The following EMP2 variants were observed in gnomAD, a reference collection of about 807,000 sequenced individuals.
EMP2 encodes the protein epithelial membrane protein 2.
A neutral mutation model predicts 13.7 loss-of-function variants in EMP2; 19 were observed. The ratio of observed to expected loss-of-function variants is 1.38; its 90% CI spans 0.97 to 2.03. The LOEUF is 2.03. EMP2 is among the 30% of genes most tolerant of loss of function. The probability of loss-of-function intolerance (pLI) is 0.00; values close to 1 mark genes in which losing one functional copy is unlikely to be tolerated. For synonymous variants in EMP2, 97 were observed against 84.7 expected (o/e 1.15, Z -0.80); for missense variants, 253 against 220.7 (o/e 1.15, Z -0.93).
At position 10,538,048 on chromosome 16, in the gene EMP2, C is replaced by A. The variant is rs769286820; in HGVS notation, c.196G>T (p.Ala66Ser). Reference protein sequence around the residue: ...QEYSTLQAVQATMILSTILCC... With the variant: ...QEYSTLQAVQSTMILSTILCC... ...AGAATGGTGGAGAGGATCATGGTGG[C>A]CTGGACCGCCTGCAGCGTGGAGTAC... The change falls in exon 4 of 5, where the codon GCC becomes TCC. Residue 66 changes from alanine (A) to serine (S), a missense_variant. By Grantham distance (99) the Ala-to-Ser change is moderately conservative. Transcript: ENST00000359543. 3 of 1,613,930 alleles carry A rather than the reference C, an allele frequency of 1.9e-6. No homozygotes were observed. Among genetic ancestry groups the A allele is most frequent in the Non-Finnish European group, 2.5e-6 (3 of 1,179,972 alleles).
At chr16:10,540,124 C>G (rs1216440778) in intron 3 of EMP2, among the ~76,000 whole-genome samples, 2 of 152,144 alleles carry the variant, frequency 1.3e-5, no homozygotes, top group East Asian at 3.9e-4. Flanking sequence ...GCCAGGCAGC[C>G]CCTGAGATGG....
At chr16:10,549,124 G>A (rs569568109) in intron 1 of EMP2, among the ~76,000 whole-genome samples, 2 of 152,228 alleles carry the variant, frequency 1.3e-5, no homozygotes, top group South Asian at 4.1e-4. Flanking sequence ...ACCTTGGACA[G>A]ATATTATGAT....
chr16:10,563,837 A>T (rs1037289393), intron 1 of EMP2, among the ~76,000 whole-genome samples: 4 of 152,234 alleles, frequency 2.6e-5, no homozygotes, highest in Admixed American at 6.5e-5. Context: ...TAATGAAGTG[A>T]AAGTAGTTAG....
At chr16:10,533,942 C>T (rs891136916) in intron 4 of EMP2, among the ~76,000 whole-genome samples, 29 of 151,902 alleles carry the variant, frequency 1.9e-4, no homozygotes, top group Non-Finnish European at 7.4e-5. Context: ...GGTGAAACCC[C>T]GTCCCTACTA....
At chr16:10,533,348 A>T (rs1161665819) in intron 4 of EMP2, among the ~76,000 whole-genome samples, 7 of 152,152 alleles carry the variant, frequency 4.6e-5, no homozygotes, top group African/African-American at 1.7e-4. Flanking sequence ...TTAAGCTCTT[A>T]TTATTAATAG....
intron 2 of EMP2, 141 bp downstream of exon 2, chr16:10,547,399 G>A: frequency 1.1e-6 from 1 of 878,732 alleles, no homozygotes; most frequent in Non-Finnish European, 1.7e-6. Flanking sequence ...GGAATTGTGA[G>A]TCCATTAGAC....
intron 2 of EMP2, chr16:10,546,122 T>A (rs1317010866): frequency 6.6e-6 from 1 of 152,104 alleles, no homozygotes; most frequent in Non-Finnish European, 1.5e-5. Context: ...GGGGTGGGGA[T>A]CACATGAGAT....
At chr16:10,572,178 G>A (rs28556717) in intron 1 of EMP2, among the ~76,000 whole-genome samples, 54,076 of 152,056 alleles carry the variant, frequency 0.36, 9,969 homozygotes, top group Non-Finnish European at 0.4. Context: ...GGTTGCAGCT[G>A]GGCACAGTGG....
intron 1 of EMP2, among the ~76,000 whole-genome samples, chr16:10,548,433 G>C (rs551325528): frequency 6.6e-6 from 1 of 152,190 alleles, no homozygotes; most frequent in Non-Finnish European, 1.5e-5. Flanking sequence ...GCTCACGCCT[G>C]TAATCTCACC....
At chr16:10,543,366 C>A (rs1596371359) in intron 3 of EMP2, among the ~76,000 whole-genome samples, 1 of 152,266 alleles carries the variant, frequency 6.6e-6, no homozygotes, top group East Asian at 1.9e-4. Flanking sequence ...TGGTCTCCCT[C>A]CAGCCTCCGG....
chr16:10,551,241 A>C (rs1414733900), intron 1 of EMP2, among the ~76,000 whole-genome samples: 1 of 152,170 alleles, frequency 6.6e-6, no homozygotes, highest in East Asian at 1.9e-4. Flanking sequence ...GGAATCATAC[A>C]ATAGTGTGGC....
chr16:10,576,302 AC>A (rs1328005417), intron 1 of EMP2, among the ~76,000 whole-genome samples: 1 of 152,142 alleles, frequency 6.6e-6, no homozygotes, highest in Non-Finnish European at 1.5e-5. Flanking sequence ...CAACAAAAAA[AC>A]TTTGGTTCTT....
intron 1 of EMP2, among the ~76,000 whole-genome samples, chr16:10,570,229 T>C (rs2050937705): frequency 6.6e-6 from 1 of 151,434 alleles, no homozygotes; most frequent in African/African-American, 2.4e-5. Context: ...GGTGGCTTTT[T>C]TTTTTTTTTT....
At chr16:10,567,133 C>A (rs561079698) in intron 1 of EMP2, among the ~76,000 whole-genome samples, 2 of 152,190 alleles carry the variant, frequency 1.3e-5, no homozygotes, top group Non-Finnish European at 2.9e-5. Flanking sequence ...TCTTATGTAT[C>A]GCTGTGCACT....
Position 10,537,941 on chromosome 16 carries a change from G to C in EMP2, c.303C>G (p.Ile101Met). 1.2e-6 allele frequency: 2 copies of C among 1,614,132 alleles called. No individual in the cohort carries two copies. Among genetic ancestry groups the C allele is most frequent in the Non-Finnish European group, 1.7e-6 (2 of 1,180,024 alleles). ...TGATGTACTTACATGACATTAGCTG[G>C]ATGATGGAGGTTAGGACAAACCTCT... ...QGERFVLTSI[I>M]QLMSCLCVMI... Residue 101 changes from isoleucine to methionine, a missense_variant, in exon 4 of 5, where the codon ATC becomes ATG. By Grantham distance (10) the Ile-to-Met change is conservative. Coordinates refer to ENST00000359543, the MANE Select transcript of EMP2 (RefSeq NM_001424.6).
intron 1 of EMP2, among the ~76,000 whole-genome samples, chr16:10,563,184 TTTATTATTA>T (rs150005955): frequency 7.9e-5 from 12 of 151,090 alleles, no homozygotes; most frequent in Non-Finnish European, 1.3e-4. Flanking sequence ...GCATTTCCTC[TTTATTATTA>T]TTATTATTAT....
chr16:10,547,467 C>G (rs551955228), intron 2 of EMP2, 73 bp downstream of exon 2: 1 of 1,504,082 alleles, frequency 6.6e-7, no homozygotes, highest in South Asian at 1.2e-5. Context: ...AGCATGAGAA[C>G]AGACCAATAC....
intron 1 of EMP2, among the ~76,000 whole-genome samples, chr16:10,552,635 C>A (rs2050797005): frequency 6.6e-6 from 1 of 152,172 alleles, no homozygotes; most frequent in South Asian, 2.1e-4. Context: ...TTATTTTTAA[C>A]GTTCTTTCTT....
At chr16:10,556,020 T>C (rs1401080640) in intron 1 of EMP2, among the ~76,000 whole-genome samples, 2 of 152,208 alleles carry the variant, frequency 1.3e-5, no homozygotes, top group Non-Finnish European at 2.9e-5. Flanking sequence ...AGTGTCTCTT[T>C]TTCACCATCA....
Sources: gnomAD v4.1 joint callset for allele counts (sites outside exome capture counted in the v4.1 genomes callset) on GRCh38, gnomAD v4.1.1 for gene constraint, MANE v1.5 for transcripts, NCBI Gene and HGNC (gene_info 2026-07-23, HGNC 2026-07-21) for gene names.